IQCJ: variants seen among roughly 807,000 people sequenced by gnomAD.
IQCJ encodes IQ motif containing J, also known as IQ domain-containing protein J.
In IQCJ, 9 loss-of-function variants were observed where a neutral mutation model predicts 11.0. The ratio of observed to expected loss-of-function variants is 0.82; its 90% confidence interval spans 0.49 to 1.43. The LOEUF is 1.43. IQCJ is among the 40% of genes most tolerant of loss of function. IQCJ has a pLI of 0.00. For missense variants in IQCJ, 146 were observed against 133.2 expected, an observed-to-expected ratio of 1.10 and a Z score of -0.47; for synonymous variants, 55 against 51.3, an observed-to-expected ratio of 1.07 and a Z score of -0.31.
chr3:159,190,856 A>G (rs1723645505), intron 1 of IQCJ, among the ~76,000 whole-genome samples: 1 of 152,242 alleles, frequency 6.6e-6, no homozygotes, highest in Non-Finnish European at 1.5e-5. Flanking sequence ...GTTCTTGGAA[A>G]AGTTCCTAGC....
chr3:159,165,788 A>AT (rs35878681), intron 1 of IQCJ, among the ~76,000 whole-genome samples: 21,979 of 106,388 alleles, frequency 0.21, 2,115 homozygotes, highest in African/African-American at 0.28. Flanking sequence ...TAATTTTTGT[A>AT]TTTTTTTTTT....
intron 1 of IQCJ, among the ~76,000 whole-genome samples, chr3:159,151,853 C>G (rs779993790): frequency 2.7e-4 from 41 of 152,274 alleles, no homozygotes; most frequent in Admixed American, 9.1e-4. Flanking sequence ...GCCAGATGGT[C>G]TCAATCTCCC....
chr3:159,264,017 G>A (rs184599122), downstream of IQCJ, among the ~76,000 whole-genome samples: 12 of 152,322 alleles, frequency 7.9e-5, no homozygotes, highest in Admixed American at 2.0e-4. Context: ...AGTGAGAATT[G>A]AATGTTTAAG....
chr3:159,146,752 G>C (rs935353354), intron 1 of IQCJ, among the ~76,000 whole-genome samples: 1 of 152,100 alleles, frequency 6.6e-6, no homozygotes, highest in African/African-American at 2.4e-5. Flanking sequence ...GTAAATAAAA[G>C]CTTCAGAATA....
At chr3:159,154,894 G>A (rs1201847650) in intron 1 of IQCJ, among the ~76,000 whole-genome samples, 2 of 151,858 alleles carry the variant, frequency 1.3e-5, no homozygotes, top group Non-Finnish European at 2.9e-5. Context: ...TCTTGTTCCT[G>A]CCTCTCCTTC....
intron 1 of IQCJ, among the ~76,000 whole-genome samples, chr3:159,177,284 C>T (rs778706237): frequency 2.0e-5 from 3 of 152,160 alleles, no homozygotes; most frequent in Non-Finnish European, 4.4e-5. Context: ...TCTTTCCTCA[C>T]CCTGCTCAAC....
chr3:159,125,609 A>G (rs1190241679), intron 1 of IQCJ, among the ~76,000 whole-genome samples: 1 of 152,208 alleles, frequency 6.6e-6, no homozygotes, highest in Non-Finnish European at 1.5e-5. Context: ...CTGTTCTAAA[A>G]GCTGAAATTT....
chr3:159,214,306 A>C (rs1383044302), intron 1 of IQCJ, among the ~76,000 whole-genome samples: 1 of 152,052 alleles, frequency 6.6e-6, no homozygotes, highest in Admixed American at 6.6e-5. Flanking sequence ...TCCTGGTACA[A>C]CCTGGGGGTA....
chr3:159,101,140 G>A (rs376724952), intron 1 of IQCJ, among the ~76,000 whole-genome samples: 33 of 143,456 alleles, frequency 2.3e-4, no homozygotes, highest in Admixed American at 2.0e-3. Flanking sequence ...TTCCAGGTGC[G>A]TCCGTCACCC....
chr3:159,191,101 A>G (rs1191592420), intron 1 of IQCJ, among the ~76,000 whole-genome samples: 3 of 151,952 alleles, frequency 2.0e-5, no homozygotes, highest in South Asian at 2.1e-4. Flanking sequence ...GGAAAACGCA[A>G]CTCCTCCTAG....
At position 159,248,943 on chromosome 3, in the gene IQCJ, A is replaced by G. The variant is rs1432600144; in HGVS notation, c.74+3036A>G. Among the ~76,000 whole-genome samples the G allele has an allele frequency of 6.0e-5, 9 of 150,110 alleles. No homozygotes were observed. The South Asian group carries it at 1.5e-3, about 25-fold the overall frequency. ...GTGATCTTGGCTCACTGCAACCTCC[A>G]CCTCCTGGGTTCAAGCAACTCTCCT... On this transcript the variant is annotated intron_variant, in intron 2 of 3. Coordinates refer to ENST00000397832, the MANE Select transcript of IQCJ (RefSeq NM_001042706.3).
chr3:159,181,940 TTCCTTTAAA>T (rs145823963), intron 1 of IQCJ, among the ~76,000 whole-genome samples: 1 of 151,766 alleles, frequency 6.6e-6, no homozygotes, highest in African/African-American at 2.4e-5. Flanking sequence ...CCCTCTTAAA[TTCCTTTAAA>T]GTGTCTCTCT....
chr3:159,122,610 T>C (rs1175229759), intron 1 of IQCJ, among the ~76,000 whole-genome samples: 1 of 152,246 alleles, frequency 6.6e-6, no homozygotes, highest in Non-Finnish European at 1.5e-5. Flanking sequence ...TCTTCACTTT[T>C]AACTATCTTC....
downstream of IQCJ, among the ~76,000 whole-genome samples, chr3:159,264,400 A>T (rs1728386899): frequency 6.6e-6 from 1 of 152,224 alleles, no homozygotes; most frequent in African/African-American, 2.4e-5. Flanking sequence ...AGCTTCACTA[A>T]CAGTTCTACT....
intron 1 of IQCJ, chr3:159,069,874 TG>T: frequency 2.7e-6 from 1 of 370,500 alleles, no homozygotes; most frequent in South Asian, 2.1e-5. Context: ...TGTGTGTGTG[TG>T]TGTGTGTGTG....
At chr3:159,115,046 A>G (rs1302887413) in intron 1 of IQCJ, among the ~76,000 whole-genome samples, 1 of 152,240 alleles carries the variant, frequency 6.6e-6, no homozygotes, top group Non-Finnish European at 1.5e-5. Flanking sequence ...CCTTAACTAG[A>G]AAGCACATAA....
intron 1 of IQCJ, among the ~76,000 whole-genome samples, chr3:159,143,634 T>C (rs1253198810): frequency 2.0e-5 from 3 of 152,072 alleles, no homozygotes; most frequent in Non-Finnish European, 2.9e-5. Flanking sequence ...TCTTGACAGG[T>C]TGGAGGAAGG....
intron 1 of IQCJ, among the ~76,000 whole-genome samples, chr3:159,233,240 G>C (rs1726371506): frequency 6.6e-6 from 1 of 152,128 alleles, no homozygotes; most frequent in Non-Finnish European, 1.5e-5. Context: ...ATGTCACACA[G>C]AACTTGGTAT....
chr3:159,102,929 C>T (rs1559985709), intron 1 of IQCJ, among the ~76,000 whole-genome samples: 1 of 152,184 alleles, frequency 6.6e-6, no homozygotes, highest in Non-Finnish European at 1.5e-5. Context: ...ATTGATCTAA[C>T]TTCATTGATA....
Sources: allele counts gnomAD v4.1 joint callset (sites outside exome capture counted in the v4.1 genomes callset), GRCh38; gene constraint gnomAD v4.1.1; transcripts MANE v1.5; gene names NCBI Gene and HGNC (gene_info 2026-07-23, HGNC 2026-07-21).